The following CHIC1 variants were observed in gnomAD, a reference collection of about 807,000 sequenced individuals.
CHIC1 encodes cysteine rich hydrophobic domain 1, also known as cysteine-rich hydrophobic domain-containing protein 1.
A neutral mutation model predicts 18.5 loss-of-function variants in CHIC1; 7 were observed. The ratio of observed to expected loss-of-function variants is 0.38; its 90% confidence interval spans 0.22 to 0.71. CHIC1 has a LOEUF of 0.71. Ranked by LOEUF, CHIC1 falls within the 30% of genes least tolerant of loss-of-function variation. The probability of loss-of-function intolerance (pLI) is 0.49; values close to 1 mark genes in which losing one functional copy is unlikely to be tolerated. For missense variants in CHIC1, 159 were observed against 176.9 expected, an observed-to-expected ratio of 0.90 and a Z score of 0.57; for synonymous variants, 77 against 73.5, an observed-to-expected ratio of 1.05 and a Z score of -0.25.
At chrX:73,579,760 A>T (rs1258363880) in intron 2 of CHIC1, among the ~76,000 whole-genome samples, 1 of 110,648 alleles carries the variant, frequency 9.0e-6, no homozygotes, top group Non-Finnish European at 1.9e-5. Context: ...TACCAATTGA[A>T]GCGGCAGCCT....
intron 3 of CHIC1, among the ~76,000 whole-genome samples, chrX:73,646,268 T>G (rs765756545): frequency 1.2e-4 from 13 of 112,102 alleles, no homozygotes; most frequent in Non-Finnish European, 2.4e-4. Flanking sequence ...GTGTCTGTAT[T>G]TATGCTGTTA....
At chrX:73,622,380 T>C (rs1489653306) in intron 3 of CHIC1, among the ~76,000 whole-genome samples, 1 of 111,833 alleles carries the variant, frequency 8.9e-6, no homozygotes, top group South Asian at 3.7e-4. Flanking sequence ...GAACCTGTTA[T>C]TGGTCTATTC....
intron 3 of CHIC1, among the ~76,000 whole-genome samples, chrX:73,658,491 T>A (rs112507388): frequency 0.1 from 11,305 of 108,124 alleles, 500 homozygotes; most frequent in African/African-American, 0.12. Flanking sequence ...GTTATTTTCC[T>A]TATCATTTCT....
At chrX:73,617,050 C>A (rs1025719902) in intron 3 of CHIC1, among the ~76,000 whole-genome samples, 2 of 112,240 alleles carry the variant, frequency 1.8e-5, no homozygotes, top group Non-Finnish European at 3.8e-5. Context: ...TGCTGTTTCC[C>A]TTTTAAAAGT....
chrX:73,619,066 C>T (rs1268556107), intron 3 of CHIC1, among the ~76,000 whole-genome samples: 1 of 112,018 alleles, frequency 8.9e-6, no homozygotes, highest in Non-Finnish European at 1.9e-5. Flanking sequence ...TGATCTGGAC[C>T]TTAGGTTCCC....
At chrX:73,670,839 T>C (rs1226168317) in intron 3 of CHIC1, among the ~76,000 whole-genome samples, 4 of 111,844 alleles carry the variant, frequency 3.6e-5, no homozygotes, top group East Asian at 2.8e-4. Flanking sequence ...CCTCCTGTTA[T>C]TGATTTCTGG....
intron 3 of CHIC1, among the ~76,000 whole-genome samples, chrX:73,645,477 A>T (rs758859583): frequency 8.9e-6 from 1 of 112,015 alleles, no homozygotes; most frequent in African/African-American, 3.2e-5. Context: ...TTTTTTGAGG[A>T]ACATCCATAC....
chrX:73,608,792 G>A (rs954999926), intron 3 of CHIC1, among the ~76,000 whole-genome samples: 1 of 106,876 alleles, frequency 9.4e-6, no homozygotes, highest in African/African-American at 3.7e-5. Context: ...GATTCTTTAG[G>A]GATTTCTACC....
chrX:73,655,428 GTGTGTATATATA>G (rs2057938381), intron 3 of CHIC1, among the ~76,000 whole-genome samples: 1 of 80,689 alleles, frequency 1.2e-5, no homozygotes, highest in Non-Finnish European at 2.4e-5. Context: ...TATATATAGT[GTGTGTATATATA>G]TACATATATA....
intron 2 of CHIC1, among the ~76,000 whole-genome samples, chrX:73,584,159 G>A (rs770511872): frequency 3.6e-5 from 4 of 110,775 alleles, no homozygotes; most frequent in African/African-American, 1.3e-4. Flanking sequence ...ATCCTTTTCC[G>A]TCAATTTTAT....
intron 3 of CHIC1, among the ~76,000 whole-genome samples, chrX:73,654,395 T>A (rs970652948): frequency 1.8e-5 from 2 of 112,153 alleles, no homozygotes; most frequent in Non-Finnish European, 3.8e-5. Context: ...CACTTGATCA[T>A]GGTATTTATC....
intron 3 of CHIC1, among the ~76,000 whole-genome samples, chrX:73,627,980 G>A (rs754032031): frequency 1.8e-5 from 2 of 111,427 alleles, no homozygotes; most frequent in East Asian, 5.7e-4. Flanking sequence ...TGGTTATTTC[G>A]AGTTCAAGAG....
chrX:73,685,343 CT>C lies in CHIC1; in HGVS notation c.*4339del, dbSNP rs1176594117. 4 of 111,383 alleles carry C rather than the reference CT, an allele frequency of 3.6e-5. No homozygotes were observed. The highest frequency in any genetic ancestry group is 7.6e-5 in the Non-Finnish European group (4 of 52,931). 9.2% of individuals were successfully genotyped at this position (111,383 alleles called of 1,213,427 possible). Reference sequence around the variant, plus strand: ...TCTGTGTCCTTTGCCTGTGTAGAATCTGTCTATGCAGTTGGTATTCAGGCAA... The same window carrying C: ...TCTGTGTCCTTTGCCTGTGTAGAATCGTCTATGCAGTTGGTATTCAGGCAA... On this transcript the variant is annotated 3_prime_UTR_variant, in exon 6 of 6. Coordinates refer to ENST00000373502, the MANE Select transcript of CHIC1 (RefSeq NM_001039840.4).
At chrX:73,657,924 A>T (rs2057958763) in intron 3 of CHIC1, among the ~76,000 whole-genome samples, 1 of 111,204 alleles carries the variant, frequency 9.0e-6, no homozygotes, top group African/African-American at 3.3e-5. Flanking sequence ...ACATTTTTTG[A>T]TTTGTATACG....
intron 2 of CHIC1, among the ~76,000 whole-genome samples, chrX:73,581,429 C>T (rs1212114109): frequency 1.8e-5 from 2 of 110,965 alleles, no homozygotes; most frequent in Admixed American, 1.9e-4. Context: ...TTGCTAGAGA[C>T]ACTCAATTAT....
intron 3 of CHIC1, among the ~76,000 whole-genome samples, chrX:73,670,156 G>T (rs912080585): frequency 5.4e-5 from 6 of 111,153 alleles, no homozygotes; most frequent in African/African-American, 1.6e-4. Context: ...CTTTGGCTGG[G>T]GGTGGGGTTT....
chrX:73,632,489 A>G (rs183638104), intron 3 of CHIC1, among the ~76,000 whole-genome samples: 38 of 111,236 alleles, frequency 3.4e-4, no homozygotes, highest in South Asian at 7.6e-4. Flanking sequence ...CTATTTTTTA[A>G]AACATTTCCT....
intron 4 of CHIC1, 70 bp downstream of exon 4, chrX:73,679,452 A>G: frequency 1.3e-6 from 1 of 778,967 alleles, no homozygotes; most frequent in Non-Finnish European, 1.9e-6. Flanking sequence ...ATAAATACAA[A>G]ATGGGAATTT....
intron 3 of CHIC1, among the ~76,000 whole-genome samples, chrX:73,626,586 A>G (rs1195354677): frequency 3.6e-5 from 4 of 110,385 alleles, no homozygotes; most frequent in African/African-American, 9.9e-5. Context: ...TAAAAGACTC[A>G]TGTATTCTTC....
Sources: gnomAD v4.1 joint callset for allele counts (sites outside exome capture counted in the v4.1 genomes callset) on GRCh38, gnomAD v4.1.1 for gene constraint, MANE v1.5 for transcripts, NCBI Gene and HGNC (gene_info 2026-07-23, HGNC 2026-07-21) for gene names.